Variants in CSMD1 observed in about 807,000 individuals in gnomAD.
CSMD1 encodes the protein CUB and Sushi multiple domains 1.
Under a neutral mutation model 417.5 loss-of-function variants are expected in CSMD1, and 213 were observed. The observed-to-expected ratio is 0.51, with a 90% CI of 0.46 to 0.57. The LOEUF (loss-of-function observed/expected upper bound fraction) is 0.57. CSMD1 is among the 20% of genes least tolerant of loss of function. The pLI is 0.00. For missense variants in CSMD1, 6,923 were observed against 4,529.7 expected (o/e 1.53, Z -15.17); for synonymous variants, 2,862 against 1,736.8 (o/e 1.65, Z -16.11).
At chr8:4,894,870 A>G (rs1190839798) in intron 1 of CSMD1, among the ~76,000 whole-genome samples, 1 of 152,236 alleles carries the variant, frequency 6.6e-6, no homozygotes, top group East Asian at 1.9e-4. Flanking sequence ...GTGACTTTAT[A>G]TGTTATTGTT....
intron 1 of CSMD1, among the ~76,000 whole-genome samples, chr8:4,876,533 A>G (rs1803052408): frequency 6.6e-6 from 1 of 152,140 alleles, no homozygotes; most frequent in Non-Finnish European, 1.5e-5. Context: ...TAAGCAAATC[A>G]GCACATTTCA....
At chr8:4,928,587 G>A (rs981575247) in intron 1 of CSMD1, among the ~76,000 whole-genome samples, 37 of 152,204 alleles carry the variant, frequency 2.4e-4, no homozygotes, top group African/African-American at 6.0e-4. Flanking sequence ...GATCATTTAC[G>A]AAAGAGGCTA....
intron 4 of CSMD1, among the ~76,000 whole-genome samples, chr8:4,015,470 G>T (rs11992654): frequency 0.17 from 25,348 of 151,758 alleles, 2,734 homozygotes; most frequent in African/African-American, 0.3. Context: ...ATTACGTAAG[G>T]CTTAACAATT....
intron 1 of CSMD1, among the ~76,000 whole-genome samples, chr8:4,924,674 A>C (rs1474721814): frequency 7.7e-6 from 1 of 130,248 alleles, no homozygotes; most frequent in Non-Finnish European, 1.6e-5. Context: ...GTGAGCCGAG[A>C]TCGCACCATT....
chr8:3,610,296 G>C (rs533366330), intron 8 of CSMD1, among the ~76,000 whole-genome samples: 2 of 152,282 alleles, frequency 1.3e-5, no homozygotes, highest in Admixed American at 6.5e-5. Flanking sequence ...AATTTTGAAT[G>C]TCAAGGAGGG....
chr8:4,267,918 T>A (rs1439703204), intron 3 of CSMD1, among the ~76,000 whole-genome samples: 1 of 152,134 alleles, frequency 6.6e-6, no homozygotes, highest in African/African-American at 2.4e-5. Flanking sequence ...AAAATAGGAC[T>A]CACTTATTCA....
Position 4,379,914 on chromosome 8 carries a change from C to T in CSMD1, c.415+40039G>A, listed in dbSNP as rs968152539. Among the ~76,000 whole-genome samples the T allele has an allele frequency of 2.6e-5, 4 of 152,216 alleles. 1 individual carries two copies. Among genetic ancestry groups the T allele is most frequent in the African/African-American group, 9.6e-5 (4 of 41,460 alleles). ...CCGTGTTCCACACACTGGACGTGAACTCCATGAGCGCGGCCAGCATACACT... is the reference window on the plus strand; with the variant it reads ...CCGTGTTCCACACACTGGACGTGAATTCCATGAGCGCGGCCAGCATACACT... On this transcript the variant is annotated intron_variant, in intron 3 of 69. Transcript: ENST00000635120.
At chr8:4,752,602 G>A (rs956128761) in intron 1 of CSMD1, among the ~76,000 whole-genome samples, 1 of 152,120 alleles carries the variant, frequency 6.6e-6, no homozygotes, top group Non-Finnish European at 1.5e-5. Flanking sequence ...TGAAATTCTA[G>A]AAAAATGTAG....
chr8:4,346,058 C>G (rs1036031190), intron 3 of CSMD1, among the ~76,000 whole-genome samples: 4 of 152,052 alleles, frequency 2.6e-5, no homozygotes, highest in African/African-American at 9.7e-5. Flanking sequence ...GTTCATGGTC[C>G]ATGTGCTGGC....
chr8:3,811,954 GT>G (rs1315201934), intron 5 of CSMD1, among the ~76,000 whole-genome samples: 3 of 151,884 alleles, frequency 2.0e-5, no homozygotes, highest in Non-Finnish European at 2.9e-5. Flanking sequence ...GCTTTTGTTT[GT>G]TTTTGTTTGC....
intron 10 of CSMD1, among the ~76,000 whole-genome samples, chr8:3,530,064 G>C (rs1312873172): frequency 1.3e-5 from 2 of 152,112 alleles, no homozygotes; most frequent in Non-Finnish European, 2.9e-5. Flanking sequence ...CTCAGTCTAT[G>C]ACCATTTTCA....
intron 3 of CSMD1, among the ~76,000 whole-genome samples, chr8:4,328,582 A>G (rs1487025106): frequency 1.3e-5 from 2 of 152,156 alleles, no homozygotes; most frequent in East Asian, 3.9e-4. Context: ...AAAAAATGAA[A>G]AAAAATTAAA....
chr8:3,732,570 T>G (rs1026852), intron 6 of CSMD1, among the ~76,000 whole-genome samples: 71,150 of 152,016 alleles, frequency 0.47, 16,929 homozygotes, highest in East Asian at 0.6. Flanking sequence ...ACCCTGACTT[T>G]ATGCCCAGGC....
At chr8:4,944,399 G>A (rs567932502) in intron 1 of CSMD1, among the ~76,000 whole-genome samples, 1 of 152,146 alleles carries the variant, frequency 6.6e-6, no homozygotes, top group African/African-American at 2.4e-5. Context: ...TATTCAGATG[G>A]TTGTAGGAAT....
At chr8:3,488,953 A>G (rs912856476) in intron 11 of CSMD1, among the ~76,000 whole-genome samples, 2 of 152,208 alleles carry the variant, frequency 1.3e-5, no homozygotes, top group Non-Finnish European at 1.5e-5. Context: ...ATTTAAGTCA[A>G]TATCTTTATA....
At chr8:4,455,741 G>A (rs755078774) in intron 2 of CSMD1, among the ~76,000 whole-genome samples, 4 of 151,438 alleles carry the variant, frequency 2.6e-5, no homozygotes, top group Non-Finnish European at 4.4e-5. Context: ...GACCAGCCTG[G>A]CCAACATGGT....
intron 4 of CSMD1, among the ~76,000 whole-genome samples, chr8:4,028,853 C>A (rs995550548): frequency 7.2e-5 from 11 of 152,120 alleles, no homozygotes; most frequent in African/African-American, 2.4e-4. Flanking sequence ...TAATTTTGTA[C>A]TCAAAAGATA....
intron 36 of CSMD1, among the ~76,000 whole-genome samples, chr8:3,182,250 CAGATTTTATTTTTTT>C (rs984939621): frequency 8.5e-5 from 13 of 152,124 alleles, no homozygotes; most frequent in Non-Finnish European, 1.3e-4. Flanking sequence ...TATCCCCCAA[CAGATTTTATTTTTTT>C]AGATGGAGTC....
intron 3 of CSMD1, among the ~76,000 whole-genome samples, chr8:4,184,402 G>C (rs144907203): frequency 2.6e-5 from 4 of 152,032 alleles, no homozygotes; most frequent in African/African-American, 7.3e-5. Flanking sequence ...TAATAATCTG[G>C]AGCATATGAG....
Sources: gnomAD v4.1 joint callset for allele counts (sites outside exome capture counted in the v4.1 genomes callset) on GRCh38, gnomAD v4.1.1 for gene constraint, MANE v1.5 for transcripts, NCBI Gene and HGNC (gene_info 2026-07-23, HGNC 2026-07-21) for gene names.